Variants in TMEM268 observed in about 807,000 individuals in gnomAD.
TMEM268 encodes transmembrane protein 268, also known as transmembrane protein C9orf91.
Under a neutral mutation model 39.1 loss-of-function variants are expected in TMEM268, and 24 were observed. That is an observed-to-expected ratio of 0.61 (90% CI 0.44 to 0.86). TMEM268 has a LOEUF of 0.86. Among genes scored for constraint, TMEM268 ranks in the 40% least tolerant of loss-of-function variants. The pLI is 0.00. For synonymous variants in TMEM268, 176 were observed against 173.5 expected (o/e 1.01, Z -0.12); for missense variants, 409 against 428.6 (o/e 0.95, Z 0.40).
At chr9:114,610,556 T>G (rs780454643), upstream of TMEM268, among the ~76,000 whole-genome samples, 1 of 152,122 alleles carries the variant, frequency 6.6e-6, no homozygotes, top group Non-Finnish European at 1.5e-5. Context: ...ACATATGTGC[T>G]CTAAGGAAAA....
chr9:114,621,366 G>A (rs10982332), intron 2 of TMEM268, among the ~76,000 whole-genome samples: 1 of 149,294 alleles, frequency 6.7e-6, no homozygotes, highest in East Asian at 2.0e-4. Flanking sequence ...AAAAGAAAAA[G>A]AACCTTTTCC....
At chr9:114,634,657 G>A (rs1023440155) in intron 6 of TMEM268, among the ~76,000 whole-genome samples, 1 of 152,192 alleles carries the variant, frequency 6.6e-6, no homozygotes, top group African/African-American at 2.4e-5. Context: ...CCCCTTGCCT[G>A]GTGGGAGCCC....
chr9:114,607,036 G>A (rs909170700), upstream of TMEM268, among the ~76,000 whole-genome samples: 20 of 152,172 alleles, frequency 1.3e-4, no homozygotes, highest in Non-Finnish European at 2.5e-4. Context: ...ATCAAACAGT[G>A]TTGGCAGCTA....
upstream of TMEM268, among the ~76,000 whole-genome samples, chr9:114,609,290 G>A (rs926256619): frequency 1.3e-5 from 2 of 150,194 alleles, no homozygotes; most frequent in African/African-American, 4.9e-5. Context: ...CAGCCTGGGT[G>A]ACAGAGCGAG....
chr9:114,604,038 A>C, the TMEM268 span, among the ~76,000 whole-genome samples: 1 of 151,280 alleles, frequency 6.6e-6, no homozygotes, highest in Non-Finnish European at 1.5e-5. Flanking sequence ...ATGGGATATG[A>C]GACTGAGAGA....
At chr9:114,609,131 G>GA (rs1270671345), upstream of TMEM268, among the ~76,000 whole-genome samples, 1 of 152,092 alleles carries the variant, frequency 6.6e-6, no homozygotes, top group Non-Finnish European at 1.5e-5. Context: ...GCAACATGGT[G>GA]AAACCCCTGT....
upstream of TMEM268, among the ~76,000 whole-genome samples, chr9:114,609,100 G>C (rs1384465877): frequency 1.3e-5 from 2 of 151,966 alleles, no homozygotes; most frequent in Admixed American, 6.6e-5. Context: ...ACCTGAGGTC[G>C]GGAGTTCGAG....
chr9:114,607,389 C>T (rs898102607), upstream of TMEM268, among the ~76,000 whole-genome samples: 1 of 152,154 alleles, frequency 6.6e-6, no homozygotes, highest in Non-Finnish European at 1.5e-5. Context: ...GACGCAGTGG[C>T]TTACACCTGT....
chr9:114,633,852 G>A lies in TMEM268; in HGVS notation c.559G>A (p.Val187Met). The change falls in exon 6 of 9, where the codon GTG (valine) becomes ATG (methionine). Residue 187 changes from valine (V) to methionine (M), a missense_variant. Val to Met is a conservative substitution (Grantham distance 21). Transcript: ENST00000288502. The part of the protein sequence containing the change: ...HRVLLGVTDT[V>M]EGCQSVIQLW... ...GGTGCTGCTGGGGGTGACAGACACA[G>A]TGGAAGGATGCCAGAGTGTGATTCA... is the stretch of plus-strand genomic sequence containing the variant. The A allele has an allele frequency of 6.2e-7, 1 of 1,601,800 alleles. No individual in the cohort carries two copies. Among genetic ancestry groups the A allele is most frequent in the East Asian group, 2.2e-5 (1 of 44,520 alleles).
chr9:114,636,632 C>G (rs1322595591), intron 6 of TMEM268, among the ~76,000 whole-genome samples: 3 of 152,108 alleles, frequency 2.0e-5, no homozygotes, highest in African/African-American at 7.2e-5. Context: ...TCCTGAGTAG[C>G]TGGGATTACA....
intron 1 of TMEM268, among the ~76,000 whole-genome samples, chr9:114,616,233 T>C (rs1191928217): frequency 6.6e-6 from 1 of 151,894 alleles, no homozygotes; most frequent in East Asian, 1.9e-4. Flanking sequence ...GCCAGGATGG[T>C]CTCGATCTCC....
intron 5 of TMEM268, among the ~76,000 whole-genome samples, chr9:114,633,489 A>G (rs1713816983): frequency 6.6e-6 from 1 of 152,018 alleles, no homozygotes; most frequent in Non-Finnish European, 1.5e-5. Context: ...ACAATTTTTT[A>G]TAGAGACGGC....
chr9:114,633,569 A>C (rs1211975198), intron 5 of TMEM268, among the ~76,000 whole-genome samples, 199 bp from the exon 6 acceptor site: 1 of 152,114 alleles, frequency 6.6e-6, no homozygotes, highest in East Asian at 1.9e-4. Flanking sequence ...TAGTCTCTCA[A>C]AACACTGGGA....
chr9:114,610,040 C>T (rs925951374), upstream of TMEM268, among the ~76,000 whole-genome samples: 12 of 147,630 alleles, frequency 8.1e-5, no homozygotes, highest in African/African-American at 3.0e-4. Context: ...GCGGTTTTTG[C>T]AATTTTTTTT....
At chr9:114,608,748 T>C (rs1436007846), upstream of TMEM268, among the ~76,000 whole-genome samples, 1 of 152,256 alleles carries the variant, frequency 6.6e-6, no homozygotes, top group African/African-American at 2.4e-5. Flanking sequence ...TGGTGTGTAT[T>C]GTTCACTCTT....
chr9:114,610,898 C>G (rs1232266696), upstream of TMEM268, among the ~76,000 whole-genome samples: 1 of 152,196 alleles, frequency 6.6e-6, no homozygotes, highest in Non-Finnish European at 1.5e-5. Context: ...ATGCTCTTAA[C>G]AATACAGCAC....
At chr9:114,628,017 T>C (rs1846231833) in intron 4 of TMEM268, 84 bp from the exon 5 acceptor site, 1 of 1,446,658 alleles carries the variant, frequency 6.9e-7, no homozygotes, top group African/African-American at 1.4e-5. Context: ...GTATCAGTAG[T>C]GTCTGAAAGG....
chr9:114,634,600 A>G (rs972093446), intron 6 of TMEM268, among the ~76,000 whole-genome samples: 5 of 152,136 alleles, frequency 3.3e-5, no homozygotes, highest in Non-Finnish European at 7.4e-5. Context: ...GCCCAGTGGA[A>G]TTGCAAAACC....
At chr9:114,617,635 A>T (rs1395457082) in intron 2 of TMEM268, among the ~76,000 whole-genome samples, 2 of 152,086 alleles carry the variant, frequency 1.3e-5, no homozygotes, top group Admixed American at 6.5e-5. Flanking sequence ...CAGTGGCGTG[A>T]TTGTAGCTCA....
Sources: gnomAD v4.1 joint callset for allele counts (sites outside exome capture counted in the v4.1 genomes callset) on GRCh38, gnomAD v4.1.1 for gene constraint, MANE v1.5 for transcripts, NCBI Gene and HGNC (gene_info 2026-07-23, HGNC 2026-07-21) for gene names.